PACS1: variants seen among roughly 807,000 people sequenced by gnomAD.
PACS1 encodes phosphofurin acidic cluster sorting protein 1.
In PACS1, 24 loss-of-function variants were observed where a neutral mutation model predicts 115.0. The observed-to-expected ratio is 0.21, with a 90% CI of 0.15 to 0.29. The LOEUF is 0.29. PACS1 is among the 10% of genes least tolerant of loss of function. PACS1 has a pLI of 1.00. For synonymous variants in PACS1, 453 were observed against 504.5 expected (o/e 0.90, Z 1.37); for missense variants, 838 against 1,251.2 (o/e 0.67, Z 4.98).
intron 1 of PACS1, among the ~76,000 whole-genome samples, chr11:66,098,300 G>A (rs1857832853): frequency 6.6e-6 from 1 of 152,132 alleles, no homozygotes; most frequent in South Asian, 2.1e-4. Flanking sequence ...GTGTGTCTCT[G>A]CATGAATGTG....
intron 1 of PACS1, among the ~76,000 whole-genome samples, chr11:66,123,954 T>C (rs1180147133): frequency 6.6e-6 from 1 of 152,224 alleles, no homozygotes; most frequent in Non-Finnish European, 1.5e-5. Flanking sequence ...CTTGCGTTAT[T>C]GCAGTGGTCT....
chr11:66,144,298 A>G (rs1184709896), intron 1 of PACS1, among the ~76,000 whole-genome samples: 2 of 152,260 alleles, frequency 1.3e-5, no homozygotes, highest in African/African-American at 2.4e-5. Flanking sequence ...GGTAAGGTAC[A>G]GCACTATGAA....
chr11:66,231,834 C>T (rs958329705), intron 13 of PACS1: 9 of 259,560 alleles, frequency 3.5e-5, no homozygotes, highest in African/African-American at 1.8e-4. Context: ...CTGCCTCTCC[C>T]TTCCTGGTTC....
intron 10 of PACS1, among the ~76,000 whole-genome samples, chr11:66,223,856 G>C (rs929952149): frequency 6.6e-6 from 1 of 152,196 alleles, no homozygotes; most frequent in Non-Finnish European, 1.5e-5. Flanking sequence ...GAGCCTCGGT[G>C]CCTCATCTGT....
intron 2 of PACS1, among the ~76,000 whole-genome samples, chr11:66,209,621 ATGTT>A (rs1855024305): frequency 6.6e-6 from 1 of 152,148 alleles, no homozygotes; most frequent in African/African-American, 2.4e-5. Context: ...ACTGGTAAGA[ATGTT>A]TGGGCCGGGC....
chr11:66,074,941 G>GTT (rs71036269), intron 1 of PACS1, among the ~76,000 whole-genome samples: 10,397 of 114,180 alleles, frequency 0.091, 1,478 homozygotes, highest in South Asian at 0.25. Flanking sequence ...TTTTTTTGGT[G>GTT]TTTTTTTTTT....
chr11:66,195,261 C>T (rs1042204846), intron 2 of PACS1, among the ~76,000 whole-genome samples: 1 of 152,292 alleles, frequency 6.6e-6, no homozygotes, highest in Non-Finnish European at 1.5e-5. Context: ...CTCATGAATT[C>T]CTGTGTGTCC....
intron 1 of PACS1, among the ~76,000 whole-genome samples, chr11:66,189,481 A>C (rs1854466634): frequency 6.6e-6 from 1 of 152,176 alleles, no homozygotes; most frequent in Non-Finnish European, 1.5e-5. Context: ...GATGTTTTAT[A>C]TGTTATGTAA....
At chr11:66,075,404 C>G (rs1403874614) in intron 1 of PACS1, among the ~76,000 whole-genome samples, 2 of 152,050 alleles carry the variant, frequency 1.3e-5, no homozygotes, top group Non-Finnish European at 2.9e-5. Context: ...CCATGCCAGG[C>G]TGATTTTAAG....
At chr11:66,161,687 G>C (rs1301957313) in intron 1 of PACS1, among the ~76,000 whole-genome samples, 1 of 152,054 alleles carries the variant, frequency 6.6e-6, no homozygotes, top group Non-Finnish European at 1.5e-5. Flanking sequence ...AATTTCATTG[G>C]GACAATGAAT....
In PACS1 at chr11:66,236,028, A is replaced by G. The variant is rs1474160673; in HGVS notation, c.2250+88A>G. Reference sequence around the variant, plus strand: ...ACACAGGAAAACAAAAGATTCATCTAGAACAGTGGTTCTCCAGACACTGGA... The same window carrying G: ...ACACAGGAAAACAAAAGATTCATCTGGAACAGTGGTTCTCCAGACACTGGA... On this transcript the variant is annotated intron_variant, in intron 19 of 23. Coordinates refer to ENST00000320580, the MANE Select transcript of PACS1 (RefSeq NM_018026.4). This position sits in a 1 kb window ranked among gnomAD's most constrained non-coding sequence, Gnocchi z 4.2. 8.1e-7 allele frequency: 1 copy of G among 1,228,412 alleles called. No individual in the cohort carries two copies. The highest frequency in any genetic ancestry group is 1.2e-6 in the Non-Finnish European group (1 of 828,292). 76.1% of individuals were successfully genotyped at this position (1,228,412 alleles called of 1,614,324 possible).
At chr11:66,102,792 G>A (rs1041746090) in intron 1 of PACS1, among the ~76,000 whole-genome samples, 4 of 152,032 alleles carry the variant, frequency 2.6e-5, no homozygotes, top group Admixed American at 1.3e-4. Context: ...ACTGAACCTC[G>A]GAGTGAGATG....
chr11:66,106,903 A>G (rs527653599), intron 1 of PACS1, among the ~76,000 whole-genome samples: 3 of 152,240 alleles, frequency 2.0e-5, no homozygotes, highest in Non-Finnish European at 4.4e-5. Context: ...CTACCTTTCC[A>G]GGATATCTAC....
chr11:66,225,026 G>C (rs965469478), intron 10 of PACS1, among the ~76,000 whole-genome samples: 1 of 152,190 alleles, frequency 6.6e-6, no homozygotes, highest in Non-Finnish European at 1.5e-5. Context: ...AACATAATTT[G>C]GTTCTCCAAG....
intron 1 of PACS1, among the ~76,000 whole-genome samples, chr11:66,115,316 C>G (rs1858281622): frequency 6.6e-6 from 1 of 151,976 alleles, no homozygotes; most frequent in Non-Finnish European, 1.5e-5. Context: ...GAGCTGGAGC[C>G]AAGCATTTGT....
At chr11:66,241,340 G>T in intron 21 of PACS1, 87 bp from the exon 22 acceptor site, 2 of 988,688 alleles carry the variant, frequency 2.0e-6, no homozygotes, top group East Asian at 5.3e-5. Context: ...GCCCTCCCGG[G>T]GACTGGCATG....
At chr11:66,180,230 TC>T (rs898838920) in intron 1 of PACS1, among the ~76,000 whole-genome samples, 1 of 152,054 alleles carries the variant, frequency 6.6e-6, no homozygotes, top group African/African-American at 2.4e-5. Context: ...AAACTTTGTC[TC>T]AAAAAAACAA....
chr11:66,205,232 G>A lies in PACS1; in HGVS notation c.445-5130G>A, dbSNP rs1480651517. On this transcript the variant is annotated intron_variant, in intron 2 of 23. Coordinates refer to ENST00000320580, the MANE Select transcript of PACS1 (RefSeq NM_018026.4). Reference sequence around the variant, plus strand: ...ACTCCTGACCTCAGGTGATCTGCCCGCCTCAGCGTCCCAAAGTGCTGGGAT... The same window carrying A: ...ACTCCTGACCTCAGGTGATCTGCCCACCTCAGCGTCCCAAAGTGCTGGGAT... 2.0e-5 allele frequency among the ~76,000 whole-genome samples: 3 copies of A among 152,010 alleles called. No individual in the cohort carries two copies. The East Asian group carries it at 5.8e-4, about 30-fold the overall frequency.
chr11:66,211,710 A>G (rs1855074233), intron 4 of PACS1, among the ~76,000 whole-genome samples: 1 of 152,072 alleles, frequency 6.6e-6, no homozygotes, highest in African/African-American at 2.4e-5. Context: ...ACATGAGAAT[A>G]CTCTGCTGTC....
Sources: allele counts gnomAD v4.1 joint callset (sites outside exome capture counted in the v4.1 genomes callset), GRCh38; gene constraint gnomAD v4.1.1; non-coding constraint Gnocchi (gnomAD v3.1); transcripts MANE v1.5; gene names NCBI Gene and HGNC (gene_info 2026-07-23, HGNC 2026-07-21).